DLG2: variants seen among roughly 807,000 people sequenced by gnomAD.
DLG2 encodes discs large MAGUK scaffold protein 2.
DLG2 carries 45 observed loss-of-function variants against 132.5 expected under a neutral mutation model. The observed-to-expected ratio is 0.34, with a 90% CI of 0.27 to 0.44. The LOEUF (loss-of-function observed/expected upper bound fraction) is 0.44. DLG2 is among the 20% of genes least tolerant of loss of function. The pLI is 1.00. For missense variants in DLG2, 1,045 were observed against 1,196.9 expected (o/e 0.87, Z 1.87); for synonymous variants, 424 against 419.6 (o/e 1.01, Z -0.13).
At chr11:83,746,026 G>A (rs1045134389) in intron 18 of DLG2, among the ~76,000 whole-genome samples, 3 of 152,166 alleles carry the variant, frequency 2.0e-5, no homozygotes, top group African/African-American at 7.2e-5. Context: ...ATCACAATGA[G>A]TTACCATCTC....
chr11:85,416,136 C>T (rs1382146524), intron 3 of DLG2, among the ~76,000 whole-genome samples: 3 of 152,300 alleles, frequency 2.0e-5, no homozygotes, highest in Middle Eastern at 3.4e-3. Flanking sequence ...GGAATCCTTT[C>T]CCCATTGGTT....
chr11:85,491,997 A>C (rs954567796), intron 3 of DLG2, among the ~76,000 whole-genome samples: 1 of 149,446 alleles, frequency 6.7e-6, no homozygotes, highest in African/African-American at 2.6e-5. Context: ...GAAATATACT[A>C]CAAAGCTAGA....
intron 15 of DLG2, among the ~76,000 whole-genome samples, chr11:83,890,698 A>G (rs1427111178): frequency 6.6e-6 from 1 of 152,212 alleles, no homozygotes; most frequent in Non-Finnish European, 1.5e-5. Flanking sequence ...AGTGTATGTA[A>G]AAAAAGTTGC....
rs146033674 is a variant in DLG2 at position 85,117,172 on chromosome 11, G to A, written c.283-5437C>T. Among the ~76,000 whole-genome samples, 3 of 152,008 alleles carry A rather than the reference G, an allele frequency of 2.0e-5. No homozygotes were observed. The East Asian group carries it at 5.8e-4, about 29-fold the overall frequency. On this transcript the variant is annotated intron_variant, in intron 5 of 27. Transcript: ENST00000376104. Reference sequence around the variant, plus strand: ...GACAACCCTCCATATAGGGTGGGCTGCTGTAAAATGTGACGCTAAGGAAAT... The same window carrying A: ...GACAACCCTCCATATAGGGTGGGCTACTGTAAAATGTGACGCTAAGGAAAT...
intron 8 of DLG2, among the ~76,000 whole-genome samples, chr11:84,224,291 T>C (rs2096959265): frequency 6.6e-6 from 1 of 152,200 alleles, no homozygotes; most frequent in Admixed American, 6.5e-5. Flanking sequence ...GATGCCCCAG[T>C]TGAGTCCAGT....
intron 8 of DLG2, among the ~76,000 whole-genome samples, chr11:84,199,734 T>C (rs987998637): frequency 3.3e-5 from 5 of 152,042 alleles, no homozygotes; most frequent in African/African-American, 4.8e-5. Context: ...TATAGGTCAA[T>C]AGAAATTATT....
intron 6 of DLG2, among the ~76,000 whole-genome samples, chr11:85,065,566 T>A (rs971725785): frequency 1.7e-4 from 16 of 96,910 alleles, no homozygotes; most frequent in South Asian, 3.8e-4. Context: ...TTATTAAAAA[T>A]TTTTTTTATT....
chr11:85,187,267 T>A (rs572526730), intron 4 of DLG2, among the ~76,000 whole-genome samples: 225 of 152,192 alleles, frequency 1.5e-3, no homozygotes, highest in Middle Eastern at 3.4e-3. Context: ...CATCAGGGAA[T>A]GAGAATATGG....
intron 3 of DLG2, among the ~76,000 whole-genome samples, chr11:85,410,919 G>T (rs773516009): frequency 1.1e-4 from 16 of 151,812 alleles, no homozygotes; most frequent in Non-Finnish European, 2.4e-4. Flanking sequence ...CTTTGCTTCA[G>T]TTGACAGATG....
intron 3 of DLG2, among the ~76,000 whole-genome samples, chr11:85,573,306 G>A (rs1375541101): frequency 1.3e-5 from 2 of 152,088 alleles, no homozygotes; most frequent in Non-Finnish European, 1.5e-5. Context: ...AAGCTACAAC[G>A]TTTATGGCAC....
At position 85,113,882 on chromosome 11, in the gene DLG2, C is replaced by T. The variant is rs139821447; in HGVS notation, c.283-2147G>A. 1.9e-3 allele frequency among the ~76,000 whole-genome samples: 290 copies of T among 152,038 alleles called. 3 individuals are homozygous for T. The highest frequency in any genetic ancestry group is 6.8e-3 in the Middle Eastern group (2 of 294). ...ATACCCTGCAGTTGAGATCATTTAT[C>T]ATTCTGATATACTGATGAGACATCT... On this transcript the variant is annotated intron_variant, in intron 5 of 27. Transcript: ENST00000376104.
intron 6 of DLG2, among the ~76,000 whole-genome samples, chr11:85,001,453 T>G (rs557460703): frequency 4.0e-4 from 61 of 152,240 alleles, no homozygotes; most frequent in African/African-American, 1.2e-3. Flanking sequence ...CTTAGAAGTC[T>G]TTACAGACCA....
At chr11:84,281,067 A>C (rs1237160696) in intron 7 of DLG2, among the ~76,000 whole-genome samples, 2 of 151,990 alleles carry the variant, frequency 1.3e-5, no homozygotes, top group Non-Finnish European at 2.9e-5. Context: ...TTAATAAAGG[A>C]AAGATAATAT....
chr11:83,525,081 A>G (rs1441169174), intron 21 of DLG2, among the ~76,000 whole-genome samples: 3 of 152,240 alleles, frequency 2.0e-5, no homozygotes, highest in African/African-American at 7.2e-5. Flanking sequence ...TCCACAGAAT[A>G]GCAGTTTCGT....
intron 18 of DLG2, among the ~76,000 whole-genome samples, chr11:83,717,929 C>T (rs978858315): frequency 2.0e-5 from 3 of 152,124 alleles, no homozygotes; most frequent in Non-Finnish European, 2.9e-5. Context: ...GACTTACAAA[C>T]GATGATACTC....
At chr11:84,290,187 T>C (rs2097969862) in intron 7 of DLG2, among the ~76,000 whole-genome samples, 1 of 152,154 alleles carries the variant, frequency 6.6e-6, no homozygotes, top group Non-Finnish European at 1.5e-5. Flanking sequence ...CATTCTATAT[T>C]ATTGCCTCTC....
At chr11:84,815,013 T>G (rs141666891) in intron 6 of DLG2, among the ~76,000 whole-genome samples, 1 of 152,014 alleles carries the variant, frequency 6.6e-6, no homozygotes, top group Non-Finnish European at 1.5e-5. Context: ...AGAGAAGGCT[T>G]TGGAAGAGGA....
At chr11:84,888,643 G>A (rs1463509803) in intron 6 of DLG2, among the ~76,000 whole-genome samples, 2 of 150,358 alleles carry the variant, frequency 1.3e-5, no homozygotes, top group Admixed American at 6.6e-5. Flanking sequence ...CATATATTTT[G>A]TTACTTTTAA....
intron 4 of DLG2, among the ~76,000 whole-genome samples, chr11:85,248,648 T>A (rs1336224462): frequency 2.0e-5 from 3 of 152,000 alleles, no homozygotes; most frequent in African/African-American, 7.2e-5. Flanking sequence ...AAATATTCAG[T>A]GGAGATAAGT....
Sources: gnomAD v4.1 joint callset for allele counts (sites outside exome capture counted in the v4.1 genomes callset) on GRCh38, gnomAD v4.1.1 for gene constraint, MANE v1.5 for transcripts, NCBI Gene and HGNC (gene_info 2026-07-23, HGNC 2026-07-21) for gene names.